RPS6KC1: variants seen among roughly 807,000 people sequenced by gnomAD.
RPS6KC1 encodes the protein ribosomal protein S6 kinase C1.
In RPS6KC1, 54 loss-of-function variants were observed where a neutral mutation model predicts 103.8. The ratio of observed to expected loss-of-function variants is 0.52; its 90% CI spans 0.42 to 0.65. The LOEUF (loss-of-function observed/expected upper bound fraction) is 0.65, where lower values mean the gene tolerates loss of function less well. Among genes scored for constraint, RPS6KC1 ranks in the 30% least tolerant of loss-of-function variants. The probability of loss-of-function intolerance (pLI) is 0.00; values close to 1 mark genes in which losing one functional copy is unlikely to be tolerated. For synonymous variants in RPS6KC1, 439 were observed against 438.7 expected, an observed-to-expected ratio of 1.00 and a Z score of -0.01; for missense variants, 1,151 against 1,253.8, an observed-to-expected ratio of 0.92 and a Z score of 1.24.
intron 12 of RPS6KC1, among the ~76,000 whole-genome samples, chr1:213,255,896 G>A (rs1027284868): frequency 2.0e-5 from 3 of 152,168 alleles, no homozygotes; most frequent in African/African-American, 7.2e-5. Context: ...TTAGAGTCAT[G>A]TATGAAAATC....
the RPS6KC1 span, among the ~76,000 whole-genome samples, chr1:213,670,741 C>T: frequency 1.3e-5 from 2 of 152,166 alleles, no homozygotes; most frequent in African/African-American, 4.8e-5. Flanking sequence ...TGTTGTTCAT[C>T]GGTGGTGGGG....
intron 3 of RPS6KC1, among the ~76,000 whole-genome samples, chr1:213,082,448 A>C (rs2079989349): frequency 6.6e-6 from 1 of 152,028 alleles, no homozygotes; most frequent in Non-Finnish European, 1.5e-5. Context: ...TAAATAATAA[A>C]AAAAAGTAGT....
At position 213,051,427 on chromosome 1, in the gene RPS6KC1, G is replaced by A. The variant is rs2076935146; in HGVS notation, c.23G>A (p.Ser8Asn). ...AGGATGACCTCTTACCGGGAGCGGAGTGCCGACCTGGCCCGTTTCTACACT... is the reference window on the plus strand; with the variant it reads ...AGGATGACCTCTTACCGGGAGCGGAATGCCGACCTGGCCCGTTTCTACACT... MTSYRER[S>N]ADLARFYTVT... Residue 8 changes from serine (S) to asparagine (N), a missense_variant, in exon 1 of 15, where the codon AGT becomes AAT. Ser to Asn is a conservative substitution (Grantham distance 46, BLOSUM62 1). Around this residue, in one of 3 missense-constraint regions of RPS6KC1, gnomAD observed 959 missense variants for 1,006.3 expected, o/e 0.95. Coordinates refer to ENST00000366960, the MANE Select transcript of RPS6KC1 (RefSeq NM_012424.6). The A allele has an allele frequency of 1.9e-6, 3 of 1,613,276 alleles. No homozygotes were observed. The African/African-American group carries it at 4.0e-5, about 22-fold the overall frequency.
At chr1:213,789,525 G>A in the RPS6KC1 span, among the ~76,000 whole-genome samples, 75 of 152,218 alleles carry the variant, frequency 4.9e-4, no homozygotes, top group Middle Eastern at 3.4e-3. Context: ...ACGTAGCTAC[G>A]TCACCATGTG....
At chr1:213,741,628 C>T in the RPS6KC1 span, among the ~76,000 whole-genome samples, 1 of 152,158 alleles carries the variant, frequency 6.6e-6, no homozygotes, top group Non-Finnish European at 1.5e-5. Context: ...GTTCCTGGCT[C>T]TGTGGAGAGC....
chr1:213,848,337 T>C, the RPS6KC1 span, among the ~76,000 whole-genome samples: 1 of 152,170 alleles, frequency 6.6e-6, no homozygotes, highest in Non-Finnish European at 1.5e-5. Context: ...TGATCTGCTT[T>C]TTGCTGTTAC....
chr1:213,237,284 G>A (rs1016303647), intron 10 of RPS6KC1, among the ~76,000 whole-genome samples: 3 of 152,018 alleles, frequency 2.0e-5, no homozygotes, highest in Non-Finnish European at 2.9e-5. Flanking sequence ...GTGTGACTTT[G>A]GGAAAGTTAT....
intron 6 of RPS6KC1, among the ~76,000 whole-genome samples, chr1:213,131,704 A>G (rs915429904): frequency 1.3e-5 from 2 of 152,304 alleles, no homozygotes; most frequent in Non-Finnish European, 2.9e-5. Flanking sequence ...TTGGCCTCCC[A>G]CAGTGCTGGG....
chr1:213,216,143 C>T (rs2093653107), intron 8 of RPS6KC1, among the ~76,000 whole-genome samples: 1 of 152,098 alleles, frequency 6.6e-6, no homozygotes, highest in African/African-American at 2.4e-5. Flanking sequence ...ATCTCACATG[C>T]AGAGACACAC....
intron 8 of RPS6KC1, among the ~76,000 whole-genome samples, chr1:213,194,627 C>T (rs1033582628): frequency 6.6e-6 from 1 of 152,204 alleles, no homozygotes; most frequent in African/African-American, 2.4e-5. Context: ...GCATTTACCA[C>T]CTGAGCTCTG....
the RPS6KC1 span, among the ~76,000 whole-genome samples, chr1:213,523,285 T>C: frequency 6.6e-6 from 1 of 152,182 alleles, no homozygotes; most frequent in Non-Finnish European, 1.5e-5. Context: ...ATTAGACTAG[T>C]AACATCAAAG....
the RPS6KC1 span, among the ~76,000 whole-genome samples, chr1:213,687,699 A>T: frequency 6.6e-6 from 1 of 152,184 alleles, no homozygotes; most frequent in Non-Finnish European, 1.5e-5. Context: ...GGAGAGACAA[A>T]GCATAAGTAT....
chr1:213,483,557 AC>A, the RPS6KC1 span, among the ~76,000 whole-genome samples: 3 of 152,098 alleles, frequency 2.0e-5, no homozygotes, highest in Non-Finnish European at 4.4e-5. Flanking sequence ...ACACTGCCAA[AC>A]TTTTTCAAAG....
chr1:213,089,363 G>C (rs2080747898), intron 3 of RPS6KC1, among the ~76,000 whole-genome samples: 1 of 151,518 alleles, frequency 6.6e-6, no homozygotes, highest in African/African-American at 2.4e-5. Flanking sequence ...CAATATCAAT[G>C]GTTCCTTACT....
chr1:213,762,112 G>A, the RPS6KC1 span, among the ~76,000 whole-genome samples: 3 of 151,858 alleles, frequency 2.0e-5, no homozygotes, highest in East Asian at 1.9e-4. Context: ...GAAGGATGAC[G>A]AAAACCAAAC....
chr1:213,172,175 A>G (rs908542657), intron 7 of RPS6KC1, among the ~76,000 whole-genome samples: 3 of 152,190 alleles, frequency 2.0e-5, no homozygotes, highest in African/African-American at 7.2e-5. Context: ...CATAAAATTT[A>G]AGAAGTACTG....
chr1:213,433,435 G>A, the RPS6KC1 span, among the ~76,000 whole-genome samples: 3 of 152,204 alleles, frequency 2.0e-5, no homozygotes, highest in African/African-American at 7.2e-5. Context: ...ACATTTGGAA[G>A]ATTGGTGTTG....
the RPS6KC1 span, among the ~76,000 whole-genome samples, chr1:213,609,474 C>A: frequency 6.6e-6 from 1 of 152,128 alleles, no homozygotes; most frequent in Non-Finnish European, 1.5e-5. Flanking sequence ...CAAACAGCCC[C>A]TTCTTGGCTA....
At chr1:213,731,299 T>G in the RPS6KC1 span, 4 of 152,224 alleles carry the variant, frequency 2.6e-5, no homozygotes, top group Non-Finnish European at 5.9e-5. Flanking sequence ...CAATGGTAGT[T>G]TAATGGAATA....
Sources: allele counts gnomAD v4.1 joint callset (sites outside exome capture counted in the v4.1 genomes callset), GRCh38; gene constraint gnomAD v4.1.1; regional missense constraint gnomAD v4.1.1; transcripts MANE v1.5; gene names NCBI Gene and HGNC (gene_info 2026-07-23, HGNC 2026-07-21).